The following EPHA6 variants were observed in gnomAD, a reference collection of about 807,000 sequenced individuals.
EPHA6 encodes the protein EPH receptor A6, also known as ephrin type-A receptor 6.
In EPHA6, 50 loss-of-function variants were observed where a neutral mutation model predicts 112.0. The ratio of observed to expected loss-of-function variants is 0.45; its 90% CI spans 0.36 to 0.56. EPHA6 has a LOEUF of 0.56. EPHA6 is among the 20% of genes least tolerant of loss of function. The pLI is 0.00. For synonymous variants in EPHA6, 529 were observed against 490.7 expected (o/e 1.08, Z -1.03); for missense variants, 1,280 against 1,417.4 (o/e 0.90, Z 1.56).
At position 96,873,247 on chromosome 3, in the gene EPHA6, G is replaced by C. The variant is rs567385296; in HGVS notation, c.450+6358G>C. Among the ~76,000 whole-genome samples the C allele has an allele frequency of 3.3e-5, 5 of 151,524 alleles. No individual in the cohort carries two copies. In the East Asian group the frequency reaches 9.8e-4, roughly 30 times the overall value. On this transcript the variant is annotated intron_variant, in intron 2 of 17. Coordinates refer to ENST00000389672, the MANE Select transcript of EPHA6 (RefSeq NM_001080448.3). Reference sequence around the variant, plus strand: ...CCCCTGCAGTTCAGCCTGGAAGACAGAGAAAGATTTCATCTCAGAAAAAAA... The same window carrying C: ...CCCCTGCAGTTCAGCCTGGAAGACACAGAAAGATTTCATCTCAGAAAAAAA...
intron 3 of EPHA6, among the ~76,000 whole-genome samples, chr3:97,015,648 A>G (rs2044239224): frequency 6.6e-6 from 1 of 152,184 alleles, no homozygotes. Context: ...ATCAAAAGGG[A>G]CACATTAAAA....
intron 14 of EPHA6, among the ~76,000 whole-genome samples, chr3:97,688,321 T>C (rs1209217418): frequency 6.6e-6 from 1 of 152,186 alleles, no homozygotes. Context: ...AGTATGTGTT[T>C]CTACCACAGT....
At chr3:96,994,732 T>TATATATATAGAGAGAGAGAGAGAG (rs1170197805) in intron 3 of EPHA6, among the ~76,000 whole-genome samples, 6 of 82,200 alleles carry the variant, frequency 7.3e-5, no homozygotes, top group African/African-American at 3.9e-4. Flanking sequence ...TATATATATA[T>TATATATATAGAGAGAGAGAGAGAG]AGAGAGAGAG....
intron 3 of EPHA6, among the ~76,000 whole-genome samples, chr3:97,005,564 A>G (rs913336483): frequency 6.6e-6 from 1 of 152,232 alleles, no homozygotes; most frequent in Non-Finnish European, 1.5e-5. Context: ...GTCTACAAAC[A>G]GAGACAGCTT....
intron 2 of EPHA6, among the ~76,000 whole-genome samples, chr3:96,982,757 A>G (rs930045180): frequency 5.3e-5 from 8 of 152,168 alleles, no homozygotes; most frequent in Non-Finnish European, 1.0e-4. Context: ...ATGCATATAT[A>G]TTTAAGACAG....
At chr3:97,651,721 G>A (rs564701625) in intron 14 of EPHA6, among the ~76,000 whole-genome samples, 51 of 152,116 alleles carry the variant, frequency 3.4e-4, no homozygotes, top group African/African-American at 1.2e-3. Context: ...AGACTATATT[G>A]ATTTACTGAG....
chr3:97,370,190 G>A (rs577717246), intron 5 of EPHA6, among the ~76,000 whole-genome samples: 1 of 152,196 alleles, frequency 6.6e-6, no homozygotes, highest in East Asian at 1.9e-4. Context: ...AGACATTACT[G>A]CTTCCATTAA....
chr3:96,913,099 C>G (rs1032025077), intron 2 of EPHA6, among the ~76,000 whole-genome samples: 7 of 149,750 alleles, frequency 4.7e-5, no homozygotes, highest in Non-Finnish European at 3.0e-5. Flanking sequence ...GAGGCTAAGG[C>G]AAGAGGATCA....
chr3:96,881,051 G>C (rs1190117202), intron 2 of EPHA6, among the ~76,000 whole-genome samples: 2 of 152,076 alleles, frequency 1.3e-5, no homozygotes, highest in Non-Finnish European at 2.9e-5. Context: ...AGGAATTTCT[G>C]GGTCATATCC....
chr3:97,136,307 G>A (rs1380468934), intron 3 of EPHA6, among the ~76,000 whole-genome samples: 1 of 152,126 alleles, frequency 6.6e-6, no homozygotes, highest in Non-Finnish European at 1.5e-5. Flanking sequence ...AATGAGAGAT[G>A]TAATTTTAAA....
intron 15 of EPHA6, among the ~76,000 whole-genome samples, chr3:97,723,378 T>G (rs572524917): frequency 6.2e-4 from 95 of 152,334 alleles, no homozygotes; most frequent in African/African-American, 2.1e-3. Flanking sequence ...ATTCTGGCCA[T>G]GTATATTGGT....
intron 11 of EPHA6, among the ~76,000 whole-genome samples, chr3:97,533,914 T>C (rs543114831): frequency 4.6e-5 from 7 of 152,218 alleles, no homozygotes; most frequent in East Asian, 1.9e-4. Context: ...TAGATAGCTA[T>C]AGCTGTGGTT....
chr3:97,554,003 G>A (rs1265003401), intron 11 of EPHA6, among the ~76,000 whole-genome samples: 1 of 152,082 alleles, frequency 6.6e-6, no homozygotes. Flanking sequence ...AAATAACTAA[G>A]AGGATGGGAA....
intron 5 of EPHA6, among the ~76,000 whole-genome samples, chr3:97,321,494 T>C (rs545314577): frequency 1.5e-4 from 23 of 152,150 alleles, no homozygotes; most frequent in Non-Finnish European, 2.9e-4. Context: ...AATTTTATCA[T>C]TTAAATAAAT....
Position 97,750,998 on chromosome 3 carries a change from AT to A in EPHA6, c.*2298del, listed in dbSNP as rs547866857. ...ACAAATCTGGATACACTTAGAAGAA[AT>A]ATAAAATTTCCATATTTACCTATCT... On this transcript the variant is annotated 3_prime_UTR_variant, in exon 18 of 18. Coordinates refer to ENST00000389672, the MANE Select transcript of EPHA6 (RefSeq NM_001080448.3). 4.9e-4 allele frequency among the ~76,000 whole-genome samples: 75 copies of A among 152,300 alleles called. No individual in the cohort carries two copies. Among genetic ancestry groups the A allele is most frequent in the African/African-American group, 1.7e-3 (69 of 41,574 alleles).
chr3:97,030,820 T>G (rs1221569592), intron 3 of EPHA6, among the ~76,000 whole-genome samples: 2 of 152,044 alleles, frequency 1.3e-5, no homozygotes, highest in East Asian at 1.9e-4. Context: ...GTATACTATT[T>G]GTAATGATGA....
rs772182357 is a variant in EPHA6, at chr3:96,987,762, C to A, written c.883C>A (p.Arg295Ser). ...IGACIALVSV[R>S]VFYKKCPFTV... ...GGCGTGCATTGCCCTGGTTTCAGTC[C>A]GTGTTTTCTACAAGAAATGCCCCTT... Residue 295 changes from arginine (R) to serine (S), a missense_variant, in exon 3 of 18, where the codon CGT (arginine) becomes AGT (serine). Transcript: ENST00000389672. 6.2e-7 allele frequency: 1 copy of A among 1,613,632 alleles called. No homozygotes were observed. The highest frequency in any genetic ancestry group is 1.1e-5 in the South Asian group (1 of 91,004).
intron 6 of EPHA6, among the ~76,000 whole-genome samples, chr3:97,425,153 C>T (rs750309397): frequency 5.3e-5 from 8 of 152,250 alleles, no homozygotes; most frequent in Non-Finnish European, 8.8e-5. Flanking sequence ...GCAAGCTGTC[C>T]GTGGATCTGC....
chr3:96,937,798 A>G (rs980666061), intron 2 of EPHA6, among the ~76,000 whole-genome samples: 1 of 152,146 alleles, frequency 6.6e-6, no homozygotes, highest in African/African-American at 2.4e-5. Context: ...GGTGTAAGGA[A>G]GGGATCCAGT....
Sources: allele counts gnomAD v4.1 joint callset (sites outside exome capture counted in the v4.1 genomes callset), GRCh38; gene constraint gnomAD v4.1.1; transcripts MANE v1.5; gene names NCBI Gene and HGNC (gene_info 2026-07-23, HGNC 2026-07-21).